ADGRB3: variants seen among roughly 807,000 people sequenced by gnomAD.
ADGRB3 encodes the protein brain-specific angiogenesis inhibitor 3.
A neutral mutation model predicts 193.4 loss-of-function variants in ADGRB3; 37 were observed. The observed-to-expected ratio is 0.19, with a 90% CI of 0.15 to 0.25. ADGRB3 has a LOEUF of 0.25. Ranked by LOEUF, ADGRB3 falls within the 10% of genes least tolerant of loss-of-function variation. The pLI is 1.00. For missense variants in ADGRB3, 1,637 were observed against 1,852.9 expected, an observed-to-expected ratio of 0.88 and a Z score of 2.14; for synonymous variants, 690 against 644.2, an observed-to-expected ratio of 1.07 and a Z score of -1.08.
chr6:68,656,474 T>A (rs551934367), intron 3 of ADGRB3, among the ~76,000 whole-genome samples: 2 of 151,648 alleles, frequency 1.3e-5, no homozygotes, highest in South Asian at 2.1e-4. Flanking sequence ...GAAATCTATT[T>A]AGAAAAGTGA....
At chr6:69,352,536 A>G (rs960189563) in intron 26 of ADGRB3, among the ~76,000 whole-genome samples, 7 of 152,366 alleles carry the variant, frequency 4.6e-5, no homozygotes, top group East Asian at 1.9e-4. Flanking sequence ...GTCTATCCCC[A>G]TTCCTTTACT....
chr6:69,361,632 A>G (rs1769454556), intron 29 of ADGRB3, 120 bp downstream of exon 29: 2 of 1,227,806 alleles, frequency 1.6e-6, no homozygotes, highest in South Asian at 3.2e-5. Context: ...GAAGATTCAC[A>G]TTAGCTTTTG....
intron 3 of ADGRB3, among the ~76,000 whole-genome samples, chr6:68,808,902 G>T (rs940004012): frequency 1.3e-5 from 2 of 152,178 alleles, no homozygotes; most frequent in Non-Finnish European, 2.9e-5. Context: ...GTAGATTTCT[G>T]CATATTGCCT....
chr6:69,332,950 T>G lies in ADGRB3; in HGVS notation c.3130T>G (p.Phe1044Val). Residue 1044 changes from phenylalanine to valine, a missense_variant, in exon 24 of 32, where the codon TTT becomes GTT. By Grantham distance (50) the Phe-to-Val change is conservative. This residue lies in a region of ADGRB3 where 87 missense variants were observed against 161.0 expected (regional missense o/e 0.54). Transcript: ENST00000370598. ...CAACATGGTGATTGGCATTTTGGTA[T>G]TTAATAAACTTGTTTCCAGAGATGG... ...LVNMVIGILV[F>V]NKLVSRDGIL... 6.2e-7 allele frequency: 1 copy of G among 1,613,886 alleles called. No individual in the cohort carries two copies. The highest frequency in any genetic ancestry group is 8.5e-7 in the Non-Finnish European group (1 of 1,179,896).
intron 20 of ADGRB3, among the ~76,000 whole-genome samples, chr6:69,300,601 TAAAC>T (rs1767929886): frequency 6.6e-6 from 1 of 151,772 alleles, no homozygotes; most frequent in Non-Finnish European, 1.5e-5. Flanking sequence ...TTAGAACTGA[TAAAC>T]AAATTTAGTA....
chr6:68,877,240 C>T (rs1765618338), intron 3 of ADGRB3, among the ~76,000 whole-genome samples: 1 of 151,028 alleles, frequency 6.6e-6, no homozygotes, highest in Admixed American at 6.6e-5. Flanking sequence ...AATCTACGTA[C>T]TTTTTTTTTG....
At chr6:69,358,979 T>C (rs1464333068) in intron 28 of ADGRB3, among the ~76,000 whole-genome samples, 1 of 151,700 alleles carries the variant, frequency 6.6e-6, no homozygotes, top group Non-Finnish European at 1.5e-5. Flanking sequence ...TTGAAATGTG[T>C]TGGCTATAAT....
intron 3 of ADGRB3, among the ~76,000 whole-genome samples, chr6:68,673,762 G>A (rs1769018867): frequency 6.6e-6 from 1 of 151,844 alleles, no homozygotes; most frequent in Non-Finnish European, 1.5e-5. Flanking sequence ...AGTGAACTTG[G>A]GAAGGTTTTT....
chr6:69,240,015 T>G (rs1005506431), intron 20 of ADGRB3, among the ~76,000 whole-genome samples: 31 of 152,072 alleles, frequency 2.0e-4, no homozygotes, highest in African/African-American at 6.5e-4. Context: ...TTTTTAATTT[T>G]CAAATACAAA....
At chr6:68,650,687 T>G (rs1348471763) in intron 3 of ADGRB3, among the ~76,000 whole-genome samples, 2 of 152,224 alleles carry the variant, frequency 1.3e-5, no homozygotes, top group African/African-American at 4.8e-5. Context: ...AAATGTATTT[T>G]TGTGTATCTT....
intron 17 of ADGRB3, among the ~76,000 whole-genome samples, chr6:69,211,761 C>CAAGAATAG (rs1765673262): frequency 6.6e-6 from 1 of 152,082 alleles, no homozygotes; most frequent in Non-Finnish European, 1.5e-5. Context: ...TTGTTGAACA[C>CAAGAATAG]AAGAATAGAC....
intron 17 of ADGRB3, among the ~76,000 whole-genome samples, chr6:69,170,746 GTCTT>G (rs1312946875): frequency 2.6e-5 from 4 of 152,140 alleles, no homozygotes; most frequent in African/African-American, 9.7e-5. Context: ...ATCATAGTAA[GTCTT>G]TCTTGATGAG....
chr6:68,879,892 T>G (rs1765688845), intron 3 of ADGRB3, among the ~76,000 whole-genome samples: 1 of 141,300 alleles, frequency 7.1e-6, no homozygotes, highest in Non-Finnish European at 1.6e-5. Flanking sequence ...TTCAAAAAGA[T>G]TCTGAACAAA....
intron 17 of ADGRB3, among the ~76,000 whole-genome samples, chr6:69,134,701 A>C (rs1774103381): frequency 6.6e-6 from 1 of 151,868 alleles, no homozygotes; most frequent in Non-Finnish European, 1.5e-5. Context: ...ATGAACCCTC[A>C]ATTAGAGAAC....
intron 3 of ADGRB3, among the ~76,000 whole-genome samples, chr6:68,862,579 C>G (rs892488689): frequency 6.6e-6 from 1 of 152,170 alleles, no homozygotes; most frequent in Admixed American, 6.5e-5. Flanking sequence ...TAACTTGCCA[C>G]AGATCTTACC....
At chr6:68,728,959 T>G (rs1203822066) in intron 3 of ADGRB3, among the ~76,000 whole-genome samples, 1 of 151,630 alleles carries the variant, frequency 6.6e-6, no homozygotes, top group Non-Finnish European at 1.5e-5. Flanking sequence ...TTTTTTTATT[T>G]AGAAGCATAC....
intron 17 of ADGRB3, among the ~76,000 whole-genome samples, chr6:69,086,109 G>T (rs1390041908): frequency 6.6e-6 from 1 of 151,986 alleles, no homozygotes; most frequent in Non-Finnish European, 1.5e-5. Flanking sequence ...GTCAAATTGA[G>T]ATTTTATTGC....
chr6:69,332,842 TAA>T, intron 23 of ADGRB3, 79 bp from the exon 24 acceptor site: 1 of 1,565,044 alleles, frequency 6.4e-7, no homozygotes, highest in Non-Finnish European at 8.6e-7. Flanking sequence ...TATGAATTGA[TAA>T]AAATAGGATT....
intron 17 of ADGRB3, among the ~76,000 whole-genome samples, chr6:69,147,713 A>G (rs2150340137): frequency 6.6e-6 from 1 of 152,196 alleles, no homozygotes; most frequent in East Asian, 1.9e-4. Context: ...TTTTGACTGG[A>G]TGATGTGTCC....
Sources: allele counts gnomAD v4.1 joint callset (sites outside exome capture counted in the v4.1 genomes callset), GRCh38; gene constraint gnomAD v4.1.1; regional missense constraint gnomAD v4.1.1; transcripts MANE v1.5; gene names NCBI Gene and HGNC (gene_info 2026-07-23, HGNC 2026-07-21).